HSPA12A: variants seen among roughly 807,000 people sequenced by gnomAD.
HSPA12A encodes heat shock 70 kDa protein 12A.
In HSPA12A, 28 loss-of-function variants were observed where a neutral mutation model predicts 69.2. The observed-to-expected ratio is 0.40, with a 90% CI of 0.30 to 0.55. HSPA12A has a LOEUF of 0.55. Among genes scored for constraint, HSPA12A ranks in the 20% least tolerant of loss-of-function variants. HSPA12A has a pLI of 0.38. For synonymous variants in HSPA12A, 345 were observed against 370.5 expected (o/e 0.93, Z 0.79); for missense variants, 686 against 900.7 (o/e 0.76, Z 3.05).
intron 1 of HSPA12A, among the ~76,000 whole-genome samples, chr10:116,842,357 C>T (rs142228781): frequency 4.7e-4 from 72 of 152,246 alleles, no homozygotes; most frequent in Non-Finnish European, 8.5e-4. Context: ...TTCTTTGCTG[C>T]CCCCTATGTG....
At chr10:116,744,500 C>T (rs1478210201), upstream of HSPA12A, among the ~76,000 whole-genome samples, 1 of 152,214 alleles carries the variant, frequency 6.6e-6, no homozygotes, top group African/African-American at 2.4e-5. Flanking sequence ...CACGTGCCCT[C>T]ATGGGACTCC....
chr10:116,717,521 G>A (rs1850644255), intron 1 of HSPA12A, among the ~76,000 whole-genome samples: 1 of 152,108 alleles, frequency 6.6e-6, no homozygotes, highest in Non-Finnish European at 1.5e-5. Context: ...AGATGTTAGA[G>A]GTACTAGTTC....
rs1845449135 is a variant in HSPA12A, at chr10:116,823,756, A to T, written c.91+11179T>A. ...ATACAAAAATGAATTCTAAATGCAC[A>T]AAAAGCCGAAACGTTAAGAGGTAAA... On this transcript the variant is annotated intron_variant, in intron 2 of 12. Coordinates refer to the HSPA12A transcript ENST00000635765. Among the ~76,000 whole-genome samples, 3 of 152,200 alleles carry T rather than the reference A, an allele frequency of 2.0e-5. No homozygotes were observed. The South Asian group carries it at 6.2e-4, about 32-fold the overall frequency.
intron 1 of HSPA12A, among the ~76,000 whole-genome samples, chr10:116,732,396 TC>T (rs1328859337): frequency 6.9e-6 from 1 of 145,404 alleles, no homozygotes; most frequent in African/African-American, 2.5e-5. Context: ...CACTTTCCCC[TC>T]CTAGACCTAG....
intron 2 of HSPA12A, among the ~76,000 whole-genome samples, chr10:116,825,146 CACTCT>C (rs1845479343): frequency 6.7e-6 from 1 of 149,648 alleles, no homozygotes; most frequent in South Asian, 2.1e-4. Context: ...GTGATTGCAC[CACTCT>C]ACTCTAGTCT....
At chr10:116,808,928 G>GTA (rs1322677087) in intron 2 of HSPA12A, among the ~76,000 whole-genome samples, 2 of 152,158 alleles carry the variant, frequency 1.3e-5, no homozygotes, top group African/African-American at 4.8e-5. Flanking sequence ...CAACAATTCA[G>GTA]TATCACGCCC....
At chr10:116,704,466 G>A (rs530915715) in intron 3 of HSPA12A, among the ~76,000 whole-genome samples, 1 of 152,030 alleles carries the variant, frequency 6.6e-6, no homozygotes, top group Non-Finnish European at 1.5e-5. Flanking sequence ...GTTGTGGGGT[G>A]GGGGGAGTGG....
upstream of HSPA12A, among the ~76,000 whole-genome samples, chr10:116,745,146 T>C (rs1851620228): frequency 6.6e-6 from 1 of 152,206 alleles, no homozygotes; most frequent in African/African-American, 2.4e-5. Flanking sequence ...CACTGGGAAG[T>C]AAGTCCCAGG....
chr10:116,805,820 T>C (rs546909157), intron 2 of HSPA12A, among the ~76,000 whole-genome samples: 23 of 152,340 alleles, frequency 1.5e-4, no homozygotes, highest in Non-Finnish European at 3.4e-4. Flanking sequence ...TCAAGTCTTT[T>C]CAATTAAAAC....
chr10:116,832,872 C>CT (rs980872199), intron 2 of HSPA12A: 2 of 152,200 alleles, frequency 1.3e-5, no homozygotes, highest in African/African-American at 4.8e-5. Flanking sequence ...TCTAACCTTC[C>CT]TTTGATAAAA....
intron 2 of HSPA12A, among the ~76,000 whole-genome samples, chr10:116,781,940 A>G (rs1371377718): frequency 1.3e-5 from 2 of 152,226 alleles, no homozygotes; most frequent in Non-Finnish European, 1.5e-5. Context: ...AAAAGACAGT[A>G]AAAAGGAAGT....
intron 2 of HSPA12A, among the ~76,000 whole-genome samples, chr10:116,793,233 T>C (rs75074155): frequency 0.046 from 6,942 of 152,266 alleles, 422 homozygotes; most frequent in African/African-American, 0.13. Context: ...TAAATAAACA[T>C]TAACTGCATA....
intron 2 of HSPA12A, among the ~76,000 whole-genome samples, chr10:116,821,769 G>A (rs572410714): frequency 9.2e-5 from 14 of 152,266 alleles, no homozygotes; most frequent in East Asian, 7.7e-4. Context: ...GGAGTGGCAC[G>A]GCAAGTCACC....
At chr10:116,698,843 A>C in intron 4 of HSPA12A, 104 bp from the exon 5 acceptor site, 1 of 858,488 alleles carries the variant, frequency 1.2e-6, no homozygotes, top group South Asian at 1.5e-5. Flanking sequence ...CTGGTGAGCC[A>C]TGTCTGTGTT....
At position 116,673,827 on chromosome 10, in the gene HSPA12A, T is replaced by C. The variant is rs1375302095; in HGVS notation, c.*954A>G. 6.6e-6 allele frequency: 1 copy of C among 152,144 alleles called. No homozygotes were observed. The highest frequency in any genetic ancestry group is 6.5e-5 in the Admixed American group (1 of 15,282). The allele number at this position is 152,144 out of a possible 1,614,324, so 9.4% of individuals were successfully genotyped here. A position where few individuals can be genotyped will look rare whatever the true frequency, so the allele number is the denominator to read the frequency against. ...TAAATGGCCAAAACTCTTAGGGAGA[T>C]GAAGGTGAGTGGGAAGGAGGGGGTT... is the stretch of plus-strand genomic sequence containing the variant. On this transcript the variant is annotated 3_prime_UTR_variant, in exon 12 of 12. Transcript: ENST00000369209.
chr10:116,691,839 C>G (rs553442367), intron 6 of HSPA12A, among the ~76,000 whole-genome samples: 2 of 152,382 alleles, frequency 1.3e-5, no homozygotes, highest in Non-Finnish European at 2.9e-5. Flanking sequence ...AACACCCCCC[C>G]GCTGAGTGAA....
At chr10:116,798,160 C>T (rs762233557) in intron 2 of HSPA12A, among the ~76,000 whole-genome samples, 37 of 77,434 alleles carry the variant, frequency 4.8e-4, no homozygotes, top group African/African-American at 1.3e-3. Flanking sequence ...TCAATGTGGA[C>T]GGTAGAGGGG....
chr10:116,734,703 T>C (rs1851260798), intron 1 of HSPA12A, among the ~76,000 whole-genome samples: 1 of 142,518 alleles, frequency 7.0e-6, no homozygotes, highest in Non-Finnish European at 1.5e-5. Context: ...ATGAAAAAAG[T>C]GCATTCTGGG....
At chr10:116,774,152 G>A (rs1384250854) in intron 2 of HSPA12A, among the ~76,000 whole-genome samples, 1 of 151,554 alleles carries the variant, frequency 6.6e-6, no homozygotes. Context: ...TGGGACTACA[G>A]GCGCCCGCCA....
Sources: allele counts gnomAD v4.1 joint callset (sites outside exome capture counted in the v4.1 genomes callset), GRCh38; gene constraint gnomAD v4.1.1; transcripts MANE v1.5; gene names NCBI Gene and HGNC (gene_info 2026-07-23, HGNC 2026-07-21).